The following HOXC5 variants were observed in gnomAD, a reference collection of about 807,000 sequenced individuals.
The protein encoded by HOXC5 is homeobox C5, also known as homeobox protein Hox-C5.
A neutral mutation model predicts 20.1 loss-of-function variants in HOXC5; 19 were observed. The observed-to-expected ratio is 0.94, with a 90% CI of 0.66 to 1.38. The LOEUF (loss-of-function observed/expected upper bound fraction) is 1.38. Ranked by LOEUF, HOXC5 falls within the 40% of genes most tolerant of loss-of-function variation. The pLI is 0.00. For missense variants in HOXC5, 330 were observed against 300.1 expected (o/e 1.10, Z -0.74); for synonymous variants, 124 against 117.0 (o/e 1.06, Z -0.39).
chr12:54,033,278 TGC>T lies in HOXC5; in HGVS notation c.159_160del (p.Pro54PhefsTer59). The stretch of plus-strand genomic sequence containing the variant: ...ACTTAAGCATCACTTTCCCACCGCC[TGC>T]GCCTTCCAACTCTCTCCACGGGGTA... ...LDLSITFPPP[A>X]PSNSLHGVDM... On this transcript the variant is annotated frameshift_variant, in exon 1 of 2. Transcript: ENST00000312492. LOFTEE classifies it high-confidence loss of function. The T allele has an allele frequency of 6.2e-7, 1 of 1,614,178 alleles. No homozygotes were observed.
upstream of HOXC5, among the ~76,000 whole-genome samples, chr12:54,031,079 G>T (rs575882456): frequency 6.6e-6 from 1 of 152,378 alleles, no homozygotes; most frequent in South Asian, 2.1e-4. Context: ...ATTTTGTTGC[G>T]GGGGGAGCTG....
chr12:54,018,710 C>T, the HOXC5 span, among the ~76,000 whole-genome samples: 1 of 151,914 alleles, frequency 6.6e-6, no homozygotes. Flanking sequence ...TGTTTATAAA[C>T]GGCGACGCAC....
Position 54,034,282 on chromosome 12 carries a change from G to A in HOXC5, c.459G>A (p.Thr153=), listed in dbSNP as rs1302086958. The A allele has an allele frequency of 3.7e-6, 6 of 1,613,406 alleles. No homozygotes were observed. Among genetic ancestry groups the A allele is most frequent in the Non-Finnish European group, 5.1e-6 (6 of 1,179,892 alleles). ...WMTKLHMSHE[T]DGKRSRTSYT... ...GGGGTGGGGTTTATGTTCCAGAGAC[G>A]GACGGCAAGCGGTCCCGAACCAGTT... is the stretch of plus-strand genomic sequence containing the variant. The change falls in exon 2 of 2, where the codon ACG becomes ACA. Residue 153 remains threonine, a synonymous_variant. Coordinates refer to ENST00000312492, the MANE Select transcript of HOXC5 (RefSeq NM_018953.4).
At chr12:54,030,159 G>A (rs991085658), upstream of HOXC5, 5 of 540,892 alleles carry the variant, frequency 9.2e-6, no homozygotes, top group Admixed American at 9.9e-5. Flanking sequence ...TTCACCACGC[G>A]CCTCCTCCTC....
upstream of HOXC5, chr12:54,028,514 G>A: frequency 1.9e-6 from 3 of 1,612,522 alleles, no homozygotes; most frequent in Middle Eastern, 3.3e-4. Context: ...CCAGGTAAAG[G>A]CAAAGGGATG....
Position 54,034,375 on chromosome 12 carries a change from G to T in HOXC5, c.552G>T (p.Arg184Ser). 6.2e-7 allele frequency: 1 copy of T among 1,614,244 alleles called. No homozygotes were observed. The highest frequency in any genetic ancestry group is 8.5e-7 in the Non-Finnish European group (1 of 1,180,026). Residue 184 changes from arginine (R) to serine (S), a missense_variant, in exon 2 of 2, where the codon AGG (arginine) becomes AGT (serine). By Grantham distance (110) the Arg-to-Ser change is moderately radical. Coordinates refer to ENST00000312492, the MANE Select transcript of HOXC5 (RefSeq NM_018953.4). ...FHFNRYLTRR[R>S]RIEIANNLCL... ...TTAACCGCTACCTCACTCGCCGCAGGCGCATAGAGATCGCCAACAACTTGT... is the reference window on the plus strand; with the variant it reads ...TTAACCGCTACCTCACTCGCCGCAGTCGCATAGAGATCGCCAACAACTTGT...
chr12:54,028,796 T>C, upstream of HOXC5: 1 of 1,614,044 alleles, frequency 6.2e-7, no homozygotes, highest in Non-Finnish European at 8.5e-7. Context: ...CAAAACACCT[T>C]AGGACATAAC....
chr12:54,025,568 C>T, the HOXC5 span, among the ~76,000 whole-genome samples: 1 of 148,006 alleles, frequency 6.8e-6, no homozygotes, highest in Non-Finnish European at 1.5e-5. Context: ...TGCCAAAGGT[C>T]TTTAAGCAGT....
the HOXC5 span, among the ~76,000 whole-genome samples, chr12:54,019,165 T>TCCCCCCCCCCCCCC: frequency 7.7e-6 from 1 of 129,560 alleles, no homozygotes. Context: ...GCATTTTCTC[T>TCCCCCCCCCCCCCC]CCCCCTCCCC....
upstream of HOXC5, among the ~76,000 whole-genome samples, chr12:54,031,924 T>C (rs988629246): frequency 2.0e-5 from 3 of 152,198 alleles, no homozygotes; most frequent in Admixed American, 6.5e-5. Flanking sequence ...GTGAACCTTA[T>C]GGATTCAGGT....
Position 54,033,050 on chromosome 12 carries a change from C to A in HOXC5, c.-73C>A. 2 of 1,265,328 alleles carry A rather than the reference C, an allele frequency of 1.6e-6. No individual in the cohort carries two copies. Among genetic ancestry groups the A allele is most frequent in the Non-Finnish European group, 2.2e-6 (2 of 896,920 alleles). The allele number at this position is 1,265,328 out of a possible 1,614,324, so 78.4% of individuals were successfully genotyped here. A position where few individuals can be genotyped will look rare whatever the true frequency, so the allele number is the denominator to read the frequency against. On this transcript the variant is annotated 5_prime_UTR_variant, in exon 1 of 2. Coordinates refer to ENST00000312492, the MANE Select transcript of HOXC5 (RefSeq NM_018953.4). ...TTGTCCACTTTGGAGAACAAAAAACCCCTCAACTTCAAAGAGTCACAAATC... is the reference window on the plus strand; with the variant it reads ...TTGTCCACTTTGGAGAACAAAAAACACCTCAACTTCAAAGAGTCACAAATC...
rs1375154084 is a variant in HOXC5 at position 54,034,442 on chromosome 12, A to G, written c.619A>G (p.Arg207Gly). 6.2e-7 allele frequency: 1 copy of G among 1,614,274 alleles called. No individual in the cohort carries two copies. The highest frequency in any genetic ancestry group is 1.7e-5 in the Admixed American group (1 of 60,038). Residue 207 changes from arginine to glycine, a missense_variant, in exon 2 of 2, where the codon AGG (arginine) becomes GGG (glycine). Arg to Gly is a moderately radical substitution (Grantham distance 125). Coordinates refer to ENST00000312492, the MANE Select transcript of HOXC5 (RefSeq NM_018953.4). ...GATCAAGATCTGGTTCCAGAACCGC[A>G]GGATGAAGTGGAAGAAAGATTCCAA... ...RQIKIWFQNR[R>G]MKWKKDSKMK... is the part of the protein sequence containing the mutation.
intron 1 of HOXC5, 129 bp from the exon 2 acceptor site, chr12:54,034,149 C>A: frequency 1.1e-6 from 1 of 896,774 alleles, no homozygotes; most frequent in Non-Finnish European, 1.8e-6. Context: ...CTGCGGCCCG[C>A]GTGGCCTGTC....
chr12:54,032,564 T>C (rs867904605), upstream of HOXC5, among the ~76,000 whole-genome samples: 6 of 152,348 alleles, frequency 3.9e-5, no homozygotes, highest in Middle Eastern at 3.4e-3. Context: ...AGAACGGGAC[T>C]TTCATTACAA....
rs34720266 is a variant in HOXC5 at position 54,033,359 on chromosome 12, G to A, written c.237G>A (p.Ala79=). Residue 79 remains alanine, a synonymous_variant, in exon 1 of 2, where the codon GCG becomes GCA. Coordinates refer to ENST00000312492, the MANE Select transcript of HOXC5 (RefSeq NM_018953.4). ...AHPDRPACSA[A]AAPGHAPGRD... ...CCGACCGCCCCGCCTGCAGCGCCGC[G>A]GCCGCTCCGGGACACGCTCCGGGCA... 1.5e-3 allele frequency: 2,395 copies of A among 1,612,726 alleles called. 37 individuals carry two copies. The African/African-American group carries it at 0.029, about 19-fold the overall frequency.
chr12:54,025,696 C>T, the HOXC5 span, among the ~76,000 whole-genome samples: 5 of 152,092 alleles, frequency 3.3e-5, no homozygotes, highest in Admixed American at 3.3e-4. Context: ...CAGTCTCTGC[C>T]CTCTGTTTAG....
chr12:54,033,141 A>T lies in HOXC5; in HGVS notation c.19A>T (p.Asn7Tyr), dbSNP rs897255075. 17 of 1,610,056 alleles carry T rather than the reference A, an allele frequency of 1.1e-5. No homozygotes were observed. Among genetic ancestry groups the T allele is most frequent in the Non-Finnish European group, 1.4e-5 (16 of 1,176,598 alleles). MSSYVA[N>Y]SFYKQSPNIP... The stretch of plus-strand genomic sequence containing the variant: ...CCCCGCCATGAGCTCCTACGTAGCC[A>T]ATTCATTCTATAAGCAGAGCCCCAA... The change falls in exon 1 of 2, where the codon AAT (asparagine) becomes TAT (tyrosine). Residue 7 changes from asparagine to tyrosine, a missense_variant. Asn to Tyr is a moderately radical substitution (Grantham distance 143, BLOSUM62 -2). Coordinates refer to ENST00000312492, the MANE Select transcript of HOXC5 (RefSeq NM_018953.4).
chr12:54,024,493 A>G, the HOXC5 span, among the ~76,000 whole-genome samples: 1,219 of 152,310 alleles, frequency 8.0e-3, 22 homozygotes, highest in African/African-American at 0.028. Context: ...GGGAGAACAC[A>G]ACTAAGGAGG....
chr12:54,023,406 T>A, the HOXC5 span, among the ~76,000 whole-genome samples: 2 of 152,172 alleles, frequency 1.3e-5, no homozygotes, highest in Non-Finnish European at 2.9e-5. Flanking sequence ...GGCAGAAATC[T>A]GGAAAGAGAG....
Sources: gnomAD v4.1 joint callset for allele counts (sites outside exome capture counted in the v4.1 genomes callset) on GRCh38, gnomAD v4.1.1 for gene constraint, MANE v1.5 for transcripts, NCBI Gene and HGNC (gene_info 2026-07-23, HGNC 2026-07-21) for gene names.